FSHR: variants seen among roughly 807,000 people sequenced by gnomAD.
FSHR encodes follicle stimulating hormone receptor, also known as follicle-stimulating hormone receptor.
Under a neutral mutation model 52.1 loss-of-function variants are expected in FSHR, and 46 were observed. The ratio of observed to expected loss-of-function variants is 0.88; its 90% CI spans 0.70 to 1.13. The LOEUF (loss-of-function observed/expected upper bound fraction) is 1.13. Ranked by LOEUF, FSHR falls within the 50% of genes most tolerant of loss-of-function variation. The pLI is 0.00. For synonymous variants in FSHR, 399 were observed against 309.6 expected (o/e 1.29, Z -3.03); for missense variants, 964 against 834.6 (o/e 1.16, Z -1.91).
At chr2:49,141,629 T>A (rs536523424) in intron 1 of FSHR, among the ~76,000 whole-genome samples, 31 of 152,180 alleles carry the variant, frequency 2.0e-4, no homozygotes, top group African/African-American at 7.5e-4. Context: ...GGGACACACA[T>A]CCAAACTATG....
chr2:49,009,454 G>A lies in FSHR; in HGVS notation c.374+8035C>T, dbSNP rs1340418115. ...GCCTTGTAGTATAGTTTGAAGTCAG[G>A]TAGTGTGATGCCTCCAGCTTTGTTC... On this transcript the variant is annotated intron_variant, in intron 4 of 9. Transcript: ENST00000406846. 2.7e-5 allele frequency among the ~76,000 whole-genome samples: 4 copies of A among 149,710 alleles called. No homozygotes were observed. In the East Asian group the frequency reaches 6.0e-4, roughly 22 times the overall value.
chr2:49,078,735 G>T (rs1382846025), intron 1 of FSHR, among the ~76,000 whole-genome samples: 2 of 151,852 alleles, frequency 1.3e-5, no homozygotes, highest in East Asian at 3.9e-4. Context: ...TCTGATAAGG[G>T]GTAATTCGAT....
rs746876646 is a variant in FSHR, at chr2:49,058,289, C to T, written c.224+9930G>A. On this transcript the variant is annotated intron_variant, in intron 2 of 9. Coordinates refer to ENST00000406846, the MANE Select transcript of FSHR (RefSeq NM_000145.4). ...ACTGGCCAGGTGCAGTGGCTCATGC[C>T]TGTAATCCCAGCACATTGGGAGGCT... Among the ~76,000 whole-genome samples the T allele has an allele frequency of 1.9e-4, 29 of 152,162 alleles. 1 individual carries two copies. Among genetic ancestry groups the T allele is most frequent in the Admixed American group, 2.6e-4 (4 of 15,280 alleles).
At chr2:49,142,454 G>T (rs897388924) in intron 1 of FSHR, among the ~76,000 whole-genome samples, 1 of 152,140 alleles carries the variant, frequency 6.6e-6, no homozygotes, top group Admixed American at 6.5e-5. Context: ...ACAGGAAGAG[G>T]TCAAATCATG....
chr2:49,034,012 T>C (rs916103252), intron 2 of FSHR, among the ~76,000 whole-genome samples: 1 of 152,180 alleles, frequency 6.6e-6, no homozygotes, highest in African/African-American at 2.4e-5. Flanking sequence ...TTGTAGTGGC[T>C]GAATTGTAGA....
intron 4 of FSHR, among the ~76,000 whole-genome samples, chr2:49,011,836 C>T (rs564718275): frequency 1.1e-4 from 17 of 152,180 alleles, no homozygotes; most frequent in Admixed American, 3.9e-4. Flanking sequence ...CGTGCTACCT[C>T]CAAAAGCAGT....
At chr2:49,079,398 T>C (rs933278231) in intron 1 of FSHR, among the ~76,000 whole-genome samples, 7 of 152,046 alleles carry the variant, frequency 4.6e-5, no homozygotes, top group Admixed American at 3.9e-4. Context: ...AACTGGCTGA[T>C]TAATAGTTAT....
At chr2:49,084,458 A>G (rs529138027) in intron 1 of FSHR, among the ~76,000 whole-genome samples, 2 of 152,206 alleles carry the variant, frequency 1.3e-5, no homozygotes, top group African/African-American at 4.8e-5. Context: ...GAGCAAACAC[A>G]TTCAAAAGCT....
intron 1 of FSHR, among the ~76,000 whole-genome samples, chr2:49,152,535 C>T (rs975715827): frequency 6.6e-6 from 1 of 151,650 alleles, no homozygotes; most frequent in Non-Finnish European, 1.5e-5. Context: ...TCCATCTTTT[C>T]TCTTTTTTGG....
At chr2:49,034,347 A>C (rs1331148725) in intron 2 of FSHR, among the ~76,000 whole-genome samples, 3 of 152,164 alleles carry the variant, frequency 2.0e-5, no homozygotes, top group Admixed American at 2.0e-4. Context: ...GAGTTAAGAA[A>C]AGTCTGATCA....
intron 9 of FSHR, among the ~76,000 whole-genome samples, chr2:48,964,252 T>C (rs966259071): frequency 2.6e-5 from 4 of 152,176 alleles, no homozygotes; most frequent in Non-Finnish European, 5.9e-5. Context: ...GCCTTGCTGT[T>C]AAGTGAAAAT....
chr2:48,997,660 G>A (rs150906478), intron 4 of FSHR, among the ~76,000 whole-genome samples: 240 of 152,142 alleles, frequency 1.6e-3, no homozygotes, highest in African/African-American at 5.7e-3. Context: ...GGACAACTTA[G>A]CCCCGTGACC....
chr2:48,997,147 A>G (rs1676059413), intron 4 of FSHR: 1 of 878,950 alleles, frequency 1.1e-6, no homozygotes, highest in African/African-American at 1.8e-5. Context: ...TGGTCTCTCT[A>G]GCTTCTGGAT....
Position 49,109,494 on chromosome 2 carries a change from G to A in FSHR, c.153-41204C>T, listed in dbSNP as rs79275179. ...ACTGTAGTGGGCAAAGTTGAATGGT[G>A]AGAGAGCCTCCCCTGAGGTCAAGCG... On this transcript the variant is annotated intron_variant, in intron 1 of 9. Coordinates refer to ENST00000406846, the MANE Select transcript of FSHR (RefSeq NM_000145.4). Among the ~76,000 whole-genome samples, 888 of 152,296 alleles carry A rather than the reference G, an allele frequency of 5.8e-3. 2 individuals carry two copies. The highest frequency in any genetic ancestry group is 9.9e-3 in the Non-Finnish European group (670 of 68,018).
chr2:49,141,315 T>TG (rs1672679370), intron 1 of FSHR, among the ~76,000 whole-genome samples: 1 of 152,126 alleles, frequency 6.6e-6, no homozygotes, highest in Non-Finnish European at 1.5e-5. Context: ...GAGGTTTAAT[T>TG]GGGTCATGGT....
chr2:49,109,629 G>A (rs983720878), intron 1 of FSHR, among the ~76,000 whole-genome samples: 1 of 152,096 alleles, frequency 6.6e-6, no homozygotes, highest in Non-Finnish European at 1.5e-5. Flanking sequence ...GACATACTGA[G>A]AGCTGGTCAA....
intron 1 of FSHR, among the ~76,000 whole-genome samples, chr2:49,130,964 A>G (rs868573994): frequency 9.2e-5 from 14 of 152,166 alleles, no homozygotes; most frequent in African/African-American, 3.1e-4. Context: ...GGGCTTCTCT[A>G]TTTAGTACAA....
chr2:49,017,234 A>C (rs1667520331), intron 4 of FSHR, among the ~76,000 whole-genome samples: 1 of 152,222 alleles, frequency 6.6e-6, no homozygotes, highest in Non-Finnish European at 1.5e-5. Context: ...TACGAGGTCC[A>C]TGTGACCGTC....
chr2:48,973,559 G>C (rs1674840935), intron 8 of FSHR, among the ~76,000 whole-genome samples: 1 of 152,174 alleles, frequency 6.6e-6, no homozygotes, highest in African/African-American at 2.4e-5. Flanking sequence ...TTTTTTCCTT[G>C]AAAACCAGTA....
Sources: gnomAD v4.1 joint callset for allele counts (sites outside exome capture counted in the v4.1 genomes callset) on GRCh38, gnomAD v4.1.1 for gene constraint, MANE v1.5 for transcripts, NCBI Gene and HGNC (gene_info 2026-07-23, HGNC 2026-07-21) for gene names.